Variants in CD86 observed in about 807,000 individuals in gnomAD.
CD86 encodes T-lymphocyte activation antigen CD86.
CD86 carries 11 observed loss-of-function variants against 32.1 expected under a neutral mutation model. The observed-to-expected ratio is 0.34, with a 90% CI of 0.22 to 0.57. The LOEUF is 0.57. Ranked by LOEUF, CD86 falls within the 20% of genes least tolerant of loss-of-function variation. CD86 has a pLI of 0.86. For synonymous variants in CD86, 137 were observed against 135.3 expected, an observed-to-expected ratio of 1.01 and a Z score of -0.09; for missense variants, 359 against 398.4, an observed-to-expected ratio of 0.90 and a Z score of 0.84.
chr3:122,063,592 A>AAT (rs1559896367), intron 1 of CD86, among the ~76,000 whole-genome samples: 3 of 121,874 alleles, frequency 2.5e-5, no homozygotes. Flanking sequence ...ACATAGAAAG[A>AAT]TTTTTTTTTT....
intron 1 of CD86, among the ~76,000 whole-genome samples, chr3:122,084,678 C>T (rs1559903853): frequency 1.3e-5 from 2 of 152,172 alleles, no homozygotes; most frequent in African/African-American, 4.8e-5. Context: ...GGACATCTTA[C>T]GTGGTGGCTC....
rs1001844091 is a variant in CD86 at position 122,119,961 on chromosome 3, C to T, written c.*427C>T. On this transcript the variant is annotated 3_prime_UTR_variant, in exon 7 of 7. Coordinates refer to ENST00000330540, the MANE Select transcript of CD86 (RefSeq NM_175862.5). ...CACTGAATTTTGTGTGTACCTGTGACTAAACAACTACCTCCTCAGTCTGGG... is the reference window on the plus strand; with the variant it reads ...CACTGAATTTTGTGTGTACCTGTGATTAAACAACTACCTCCTCAGTCTGGG... 3.5e-5 allele frequency: 6 copies of T among 173,590 alleles called. No homozygotes were observed. The highest frequency in any genetic ancestry group is 7.2e-5 in the Non-Finnish European group (6 of 83,892). The allele number at this position is 173,590 out of a possible 1,614,324, so 10.8% of individuals were successfully genotyped here. A position where few individuals can be genotyped will look rare whatever the true frequency, so the allele number is the denominator to read the frequency against.
At chr3:122,115,197 C>T (rs2073231103) in intron 5 of CD86, among the ~76,000 whole-genome samples, 2 of 151,974 alleles carry the variant, frequency 1.3e-5, no homozygotes, top group African/African-American at 4.8e-5. Context: ...TACACAAAAT[C>T]AATTATTTCT....
At chr3:122,072,049 G>A (rs1361641653) in intron 1 of CD86, among the ~76,000 whole-genome samples, 2 of 151,268 alleles carry the variant, frequency 1.3e-5, no homozygotes, top group African/African-American at 4.9e-5. Flanking sequence ...TCCCTACAAA[G>A]GACATGAACT....
intron 6 of CD86, among the ~76,000 whole-genome samples, chr3:122,118,783 G>A (rs895607168): frequency 3.3e-5 from 5 of 152,186 alleles, no homozygotes; most frequent in Non-Finnish European, 5.9e-5. Flanking sequence ...TTAGCATGGT[G>A]CCTGGCATAT....
At chr3:122,069,229 G>A (rs1352993785) in intron 1 of CD86, among the ~76,000 whole-genome samples, 1 of 151,782 alleles carries the variant, frequency 6.6e-6, no homozygotes, top group Non-Finnish European at 1.5e-5. Context: ...ACCAGTCCAA[G>A]GCCTTCATTC....
chr3:122,055,684 G>A (rs1237591317), intron 1 of CD86, among the ~76,000 whole-genome samples, 181 bp downstream of exon 1: 5 of 152,298 alleles, frequency 3.3e-5, no homozygotes, highest in Admixed American at 2.0e-4. Context: ...GCCCAAAGCA[G>A]TTCATTGGTG....
chr3:122,087,263 T>C lies in CD86; in HGVS notation c.15-4338T>C, dbSNP rs191330504. ...TCATAGACCTTATTCTGTGCTTAGC[T>C]GACAGAAATCTCCTCTCAGAGAATC... is the stretch of plus-strand genomic sequence containing the variant. On this transcript the variant is annotated intron_variant, in intron 1 of 6. Coordinates refer to ENST00000330540, the MANE Select transcript of CD86 (RefSeq NM_175862.5). Among the ~76,000 whole-genome samples the C allele has an allele frequency of 1.2e-4, 19 of 152,332 alleles. No individual in the cohort carries two copies. The East Asian group carries it at 3.7e-3, about 29-fold the overall frequency.
intron 1 of CD86, among the ~76,000 whole-genome samples, chr3:122,088,484 C>A (rs2072760989): frequency 6.6e-6 from 1 of 152,088 alleles, no homozygotes; most frequent in Non-Finnish European, 1.5e-5. Flanking sequence ...AAGAGCTGAA[C>A]AGCTGGTTCC....
intron 5 of CD86, among the ~76,000 whole-genome samples, chr3:122,109,639 T>C (rs984988085): frequency 6.6e-6 from 1 of 152,266 alleles, no homozygotes; most frequent in African/African-American, 2.4e-5. Flanking sequence ...TTTACAAATG[T>C]ACTTCTGGTT....
rs1306941495 is a variant in CD86, at chr3:122,055,519, T to C, written c.14+16T>C. ...ATCCCCAGTGGTGAGTAATAATTCT[T>C]ATTCTTTGCAGAGAAGTTATGAGTT... On this transcript the variant is annotated intron_variant, in intron 1 of 6. Transcript: ENST00000330540. 2 of 1,613,572 alleles carry C rather than the reference T, an allele frequency of 1.2e-6. No individual in the cohort carries two copies. The highest frequency in any genetic ancestry group is 4.5e-5 in the East Asian group (2 of 44,880).
intron 2 of CD86, chr3:122,091,914 A>G: frequency 2.3e-6 from 1 of 431,410 alleles, no homozygotes. Flanking sequence ...CTAGATGCTC[A>G]GAGTAGGGTA....
intron 1 of CD86, among the ~76,000 whole-genome samples, chr3:122,072,506 C>T (rs1480163017): frequency 6.6e-6 from 1 of 152,050 alleles, no homozygotes; most frequent in East Asian, 1.9e-4. Flanking sequence ...TTTCATGTGT[C>T]TTTTGGCTGC....
chr3:122,057,223 C>T (rs2072251045), intron 1 of CD86, among the ~76,000 whole-genome samples: 1 of 151,974 alleles, frequency 6.6e-6, no homozygotes, highest in South Asian at 2.1e-4. Flanking sequence ...ATGTATATGC[C>T]CTTTAACCAA....
At chr3:122,103,372 G>A (rs1433465372) in intron 2 of CD86, 140 bp from the exon 3 acceptor site, 3 of 636,676 alleles carry the variant, frequency 4.7e-6, no homozygotes, top group African/African-American at 3.7e-5. Flanking sequence ...AAGCAGATGT[G>A]CACAGTTCCA....
chr3:122,066,946 G>T (rs1475338568), intron 1 of CD86, among the ~76,000 whole-genome samples: 1 of 152,132 alleles, frequency 6.6e-6, no homozygotes. Flanking sequence ...ACTGTGGCAT[G>T]ATCTAGATCT....
intron 2 of CD86, among the ~76,000 whole-genome samples, chr3:122,097,463 A>G (rs1211098768): frequency 6.6e-6 from 1 of 152,216 alleles, no homozygotes; most frequent in Non-Finnish European, 1.5e-5. Context: ...ACGACGGTAT[A>G]ATCAAGAGGC....
chr3:122,074,783 C>T (rs1559900516), intron 1 of CD86, among the ~76,000 whole-genome samples: 1 of 152,184 alleles, frequency 6.6e-6, no homozygotes, highest in Non-Finnish European at 1.5e-5. Flanking sequence ...GTTGCTTCTA[C>T]TTGCAGCCTT....
chr3:122,066,864 G>A (rs2072420817), intron 1 of CD86, among the ~76,000 whole-genome samples: 1 of 152,032 alleles, frequency 6.6e-6, no homozygotes, highest in Non-Finnish European at 1.5e-5. Context: ...CTGTTATAAT[G>A]GAAAAATAAA....
Sources: gnomAD v4.1 joint callset for allele counts (sites outside exome capture counted in the v4.1 genomes callset) on GRCh38, gnomAD v4.1.1 for gene constraint, MANE v1.5 for transcripts, NCBI Gene and HGNC (gene_info 2026-07-23, HGNC 2026-07-21) for gene names.